Variants in DFFA observed in about 807,000 individuals in gnomAD.
DFFA encodes DNA fragmentation factor subunit alpha.
DFFA carries 14 observed loss-of-function variants against 28.0 expected under a neutral mutation model. The observed-to-expected ratio is 0.50, with a 90% CI of 0.33 to 0.78. The LOEUF (loss-of-function observed/expected upper bound fraction) is 0.78. Ranked by LOEUF, DFFA falls within the 30% of genes least tolerant of loss-of-function variation. The pLI is 0.02. For missense variants in DFFA, 395 were observed against 407.1 expected (o/e 0.97, Z 0.26); for synonymous variants, 158 against 170.3 (o/e 0.93, Z 0.56).
rs1245789342 is a variant in DFFA at position 10,460,158 on chromosome 1, T to C, written c.*1332A>G. ...TGCTCAGGAGGCTGAAACAGGAGAATCGCTTGAACCTGGGAGGTGGGGGTT... is the reference window on the plus strand; with the variant it reads ...TGCTCAGGAGGCTGAAACAGGAGAACCGCTTGAACCTGGGAGGTGGGGGTT... On this transcript the variant is annotated 3_prime_UTR_variant, in exon 6 of 6. Transcript: ENST00000377038. 6.6e-6 allele frequency: 1 copy of C among 151,768 alleles called. No homozygotes were observed. The highest frequency in any genetic ancestry group is 6.6e-5 in the Admixed American group (1 of 15,238). 9.4% of individuals were successfully genotyped at this position (151,768 alleles called of 1,614,324 possible).
Position 10,459,008 on chromosome 1 carries a change from A to G in DFFA, c.*2482T>C, listed in dbSNP as rs1308868869. Reference sequence around the variant, plus strand: ...ACTGGGACTACAGGCGTGTACCACTACACCCGGCTAATTTTTTATAATTTC... The same window carrying G: ...ACTGGGACTACAGGCGTGTACCACTGCACCCGGCTAATTTTTTATAATTTC... On this transcript the variant is annotated 3_prime_UTR_variant, in exon 6 of 6. Coordinates refer to ENST00000377038, the MANE Select transcript of DFFA (RefSeq NM_004401.3). 6.6e-6 allele frequency: 1 copy of G among 151,256 alleles called. No individual in the cohort carries two copies. The highest frequency in any genetic ancestry group is 1.5e-5 in the Non-Finnish European group (1 of 67,934). The allele number at this position is 151,256 out of a possible 1,614,324, so 9.4% of individuals were successfully genotyped here.
Position 10,461,481 on chromosome 1 carries a change from C to G in DFFA, c.*9G>C, listed in dbSNP as rs201613622. ...CCACAGAGCTTCCTTGGCACACTTCCCGCTGCTGCTATGTGGGATCCTGTC... is the reference window on the plus strand; with the variant it reads ...CCACAGAGCTTCCTTGGCACACTTCGCGCTGCTGCTATGTGGGATCCTGTC... On this transcript the variant is annotated 3_prime_UTR_variant, in exon 6 of 6. Coordinates refer to ENST00000377038, the MANE Select transcript of DFFA (RefSeq NM_004401.3). 1.2e-6 allele frequency: 2 copies of G among 1,611,448 alleles called. No homozygotes were observed. Among genetic ancestry groups the G allele is most frequent in the African/African-American group, 2.7e-5 (2 of 74,896 alleles).
rs34597195 is a variant in DFFA, at chr1:10,466,952, C to CAAAAAAAAAAAA, written c.441+226_441+237dup. 1.0e-3 allele frequency among the ~76,000 whole-genome samples: 34 copies of CAAAAAAAAAAAA among 32,736 alleles called. 1 individual carries two copies. The highest frequency in any genetic ancestry group is 2.6e-3 in the African/African-American group (33 of 12,466). The allele number at this position is 32,736 out of a possible 152,430, so 21.5% of individuals were successfully genotyped here. A position where few individuals can be genotyped will look rare whatever the true frequency, so the allele number is the denominator to read the frequency against. On this transcript the variant is annotated intron_variant, in intron 3 of 5. Coordinates refer to ENST00000377038, the MANE Select transcript of DFFA (RefSeq NM_004401.3). The stretch of plus-strand genomic sequence containing the variant: ...TGGGCGACAGAGTAAGACTGTGTCT[C>CAAAAAAAAAAAA]AAAAAAAAAAAAAAAAAAAAAAAAA...
intron 1 of DFFA, among the ~76,000 whole-genome samples, chr1:10,470,890 G>A (rs1279905578): frequency 6.7e-6 from 1 of 150,268 alleles, no homozygotes; most frequent in African/African-American, 2.4e-5. Flanking sequence ...GTGAAAAACC[G>A]TCTCTGCTAA....
At chr1:10,466,416 C>G (rs893283847) in intron 3 of DFFA, among the ~76,000 whole-genome samples, 6 of 151,638 alleles carry the variant, frequency 4.0e-5, no homozygotes, top group African/African-American at 1.5e-4. Flanking sequence ...GTCTCGATCT[C>G]CTGACCTCGT....
intron 5 of DFFA, 143 bp downstream of exon 5, chr1:10,462,915 G>A: frequency 6.8e-7 from 1 of 1,470,230 alleles, no homozygotes; most frequent in Non-Finnish European, 9.0e-7. Flanking sequence ...TTTTGCAAAT[G>A]CCTTGGCATA....
chr1:10,467,426 T>C (rs2124345984), intron 2 of DFFA, 94 bp from the exon 3 acceptor site: 1 of 1,351,444 alleles, frequency 7.4e-7, no homozygotes, highest in Admixed American at 1.7e-5. Flanking sequence ...AGGATCTAGA[T>C]TAATTTCAAT....
intron 3 of DFFA, among the ~76,000 whole-genome samples, chr1:10,465,914 C>A (rs1226335198): frequency 6.6e-6 from 1 of 151,644 alleles, no homozygotes; most frequent in African/African-American, 2.4e-5. Flanking sequence ...GCAATCTGCT[C>A]ACCTTGGCCT....
At chr1:10,468,094 T>C (rs1641046938) in intron 2 of DFFA, among the ~76,000 whole-genome samples, 2 of 151,262 alleles carry the variant, frequency 1.3e-5, no homozygotes, top group Non-Finnish European at 2.9e-5. Flanking sequence ...TGCTGTAGGA[T>C]GACTTCCTCA....
rs755641615 is a variant in DFFA at position 10,461,652 on chromosome 1, G to A, written c.834C>T (p.Asp278=). The A allele has an allele frequency of 1.2e-6, 2 of 1,614,114 alleles. No homozygotes were observed. The highest frequency in any genetic ancestry group is 1.7e-6 in the Non-Finnish European group (2 of 1,180,052). The part of the protein sequence containing the change: ...PKALAVALNW[D]IKKTETVQEA... ...CCTGAACAGTCTCCGTCTTCTTTAT[G>A]TCCCAGTTCAAGGCAACAGCCAGTG... Residue 278 remains aspartate, a synonymous_variant, in exon 6 of 6, where the codon GAC becomes GAT. Transcript: ENST00000377038.
intron 5 of DFFA, chr1:10,462,506 C>T (rs1217502102): frequency 1.0e-6 from 1 of 989,962 alleles, no homozygotes; most frequent in East Asian, 1.1e-4. Context: ...CTCTAAGGTC[C>T]TCCACCTTCA....
intron 3 of DFFA, among the ~76,000 whole-genome samples, chr1:10,465,848 C>T (rs1641014215): frequency 6.6e-6 from 1 of 151,986 alleles, no homozygotes; most frequent in Non-Finnish European, 1.5e-5. Flanking sequence ...CACGCCACCA[C>T]ACCTAGCTAA....
intron 2 of DFFA, among the ~76,000 whole-genome samples, chr1:10,468,559 C>T (rs1446581449): frequency 6.6e-6 from 1 of 151,852 alleles, no homozygotes; most frequent in Non-Finnish European, 1.5e-5. Flanking sequence ...ATTATTATGT[C>T]AACAAGGCAC....
At chr1:10,463,986 G>T (rs1640987483) in intron 3 of DFFA, among the ~76,000 whole-genome samples, 1 of 151,718 alleles carries the variant, frequency 6.6e-6, no homozygotes, top group African/African-American at 2.4e-5. Context: ...TCTAAACACG[G>T]TGTTCTACCT....
At chr1:10,469,421 C>T in intron 1 of DFFA, 83 bp from the exon 2 acceptor site, 1 of 1,278,620 alleles carries the variant, frequency 7.8e-7, no homozygotes, top group Non-Finnish European at 1.1e-6. Flanking sequence ...ATGTATGGCT[C>T]CAGAGCTGAG....
rs145346082 is a variant in DFFA, at chr1:10,462,383, C to T, written c.783+675G>A. ...CTGACCTCAGGTGATCCACCTGCCT[C>T]GGCCTCCCAAAGTACTGGCATTAAC... On this transcript the variant is annotated intron_variant, in intron 5 of 5. Transcript: ENST00000377038. 6.7e-3 allele frequency: 6,561 copies of T among 975,872 alleles called. 54 individuals are homozygous for T. The highest frequency in any genetic ancestry group is 0.045 in the South Asian group (946 of 21,130). The allele number at this position is 975,872 out of a possible 1,614,324, so 60.5% of individuals were successfully genotyped here.
At chr1:10,463,389 G>T (rs768605343) in intron 4 of DFFA, 42 bp downstream of exon 4, 5 of 1,578,834 alleles carry the variant, frequency 3.2e-6, no homozygotes, top group South Asian at 1.2e-5. Context: ...GCCTCCATCA[G>T]CCCTGAATTC....
chr1:10,467,848 T>G (rs1641044228), intron 2 of DFFA, among the ~76,000 whole-genome samples: 1 of 152,204 alleles, frequency 6.6e-6, no homozygotes, highest in South Asian at 2.1e-4. Context: ...CGGCTCTGTA[T>G]TCTTCCATAG....
chr1:10,465,481 G>T (rs1641008092), intron 3 of DFFA, among the ~76,000 whole-genome samples: 1 of 151,934 alleles, frequency 6.6e-6, no homozygotes, highest in African/African-American at 2.4e-5. Flanking sequence ...GGCCAAGCTG[G>T]TCTTGAACTC....
Sources: allele counts gnomAD v4.1 joint callset (sites outside exome capture counted in the v4.1 genomes callset), GRCh38; gene constraint gnomAD v4.1.1; transcripts MANE v1.5; gene names NCBI Gene and HGNC (gene_info 2026-07-23, HGNC 2026-07-21).